The following TBL1X variants were observed in gnomAD, a reference collection of about 807,000 sequenced individuals.
The protein encoded by TBL1X is transducin beta like 1 X-linked.
TBL1X carries 10 observed loss-of-function variants against 50.7 expected under a neutral mutation model. That is an observed-to-expected ratio of 0.20 (90% CI 0.12 to 0.33). The LOEUF (loss-of-function observed/expected upper bound fraction) is 0.33, where lower values mean the gene tolerates loss of function less well. Among genes scored for constraint, TBL1X ranks in the 10% least tolerant of loss-of-function variants. TBL1X has a pLI of 1.00. For missense variants in TBL1X, 340 were observed against 504.4 expected (o/e 0.67, Z 3.12); for synonymous variants, 190 against 214.7 (o/e 0.88, Z 1.01).
intron 2 of TBL1X, among the ~76,000 whole-genome samples, chrX:9,527,173 G>A (rs1013731416): frequency 8.9e-6 from 1 of 112,116 alleles, no homozygotes; most frequent in Non-Finnish European, 1.9e-5. Context: ...AGGGTGGGCC[G>A]AGAGGGGGCG....
In TBL1X at chrX:9,555,264, A is replaced by G. The variant is rs139378627; in HGVS notation, c.-131+53415A>G. Among the ~76,000 whole-genome samples, 700 of 110,517 alleles carry G rather than the reference A, an allele frequency of 6.3e-3. 6 individuals carry two copies. The highest frequency in any genetic ancestry group is 0.022 in the African/African-American group (668 of 30,366). ...CTAATTTGTTTTTAGTTTTGTAGAG[A>G]GAGTGTCTTGTTATGTTGCCTAGGC... On this transcript the variant is annotated intron_variant, in intron 2 of 17. Coordinates refer to ENST00000645353, the MANE Select transcript of TBL1X (RefSeq NM_005647.4).
intron 2 of TBL1X, among the ~76,000 whole-genome samples, chrX:9,558,275 C>T (rs1280943145): frequency 2.1e-4 from 23 of 111,884 alleles, no homozygotes; most frequent in Admixed American, 1.8e-3. Context: ...CCCAGCACTT[C>T]GGGAGGCCGA....
chrX:9,464,863 G>A (rs1315326595), upstream of TBL1X: 1 of 110,225 alleles, frequency 9.1e-6, no homozygotes, highest in East Asian at 2.9e-4. Flanking sequence ...GTTGGGACGC[G>A]GGTCCCCACT....
At chrX:9,495,135 C>T (rs1275110841) in intron 1 of TBL1X, among the ~76,000 whole-genome samples, 1 of 111,178 alleles carries the variant, frequency 9.0e-6, no homozygotes, top group Non-Finnish European at 1.9e-5. Context: ...CTCTTTGGCC[C>T]TGGCTTTTTC....
chrX:9,473,434 C>A (rs2146925829), intron 1 of TBL1X, among the ~76,000 whole-genome samples: 1 of 112,146 alleles, frequency 8.9e-6, no homozygotes, highest in Non-Finnish European at 1.9e-5. Flanking sequence ...GCAGGAGAGT[C>A]TGGAGGACCT....
chrX:9,633,423 A>G lies in TBL1X; in HGVS notation c.-130-6850A>G, dbSNP rs185793273. On this transcript the variant is annotated intron_variant, in intron 2 of 17. Transcript: ENST00000645353. ...AAAAAGAAAAAAAGATGAGATGGTA[A>G]GATATGAGGAAATAATGAATGCATT... Among the ~76,000 whole-genome samples, 3 of 111,376 alleles carry G rather than the reference A, an allele frequency of 2.7e-5. No homozygotes were observed. In the Admixed American group the frequency reaches 2.9e-4, roughly 11 times the overall value.
At chrX:9,531,357 GT>G (rs1569216628) in intron 2 of TBL1X, among the ~76,000 whole-genome samples, 3,370 of 68,908 alleles carry the variant, frequency 0.049, 65 homozygotes, top group South Asian at 0.092. Flanking sequence ...CCTGGAGGGT[GT>G]GTGTGTGTGT....
intron 5 of TBL1X, among the ~76,000 whole-genome samples, chrX:9,677,266 C>T (rs181207012): frequency 1.1e-4 from 12 of 111,246 alleles, no homozygotes; most frequent in African/African-American, 1.3e-4. Context: ...GTGCTGACTC[C>T]GCTATGAATA....
rs750794158 is a variant in TBL1X at position 9,652,850 on chromosome X, CA to C, written c.-42-679del. On this transcript the variant is annotated intron_variant, in intron 3 of 17. Coordinates refer to ENST00000645353, the MANE Select transcript of TBL1X (RefSeq NM_005647.4). ...TGGGCAACACTGCAAGACTCTGTCTCAAAAAAAAAAAAAAAAGAAAGAAAGA... is the reference window on the plus strand; with the variant it reads ...TGGGCAACACTGCAAGACTCTGTCTCAAAAAAAAAAAAAAAGAAAGAAAGA... Among the ~76,000 whole-genome samples, 548 of 55,325 alleles carry C rather than the reference CA, an allele frequency of 9.9e-3. 2 individuals carry two copies. Among genetic ancestry groups the C allele is most frequent in the Middle Eastern group, 0.038 (3 of 79 alleles). 48.0% of individuals were successfully genotyped at this position (55,325 alleles called of 115,157 possible). A position where few individuals can be genotyped will look rare whatever the true frequency, so the allele number is the denominator to read the frequency against.
intron 2 of TBL1X, among the ~76,000 whole-genome samples, chrX:9,562,572 T>C (rs1177211079): frequency 8.9e-6 from 1 of 112,033 alleles, no homozygotes; most frequent in African/African-American, 3.2e-5. Context: ...CCTGAACTTG[T>C]AAAATCTACA....
At position 9,651,340 on chromosome X, in the gene TBL1X, C is replaced by A. The variant is rs147483736; in HGVS notation, c.-42-2205C>A. Among the ~76,000 whole-genome samples the A allele has an allele frequency of 6.5e-3, 732 of 112,304 alleles. 4 individuals are homozygous for A. Among genetic ancestry groups the A allele is most frequent in the African/African-American group, 0.023 (701 of 30,978 alleles). Reference sequence around the variant, plus strand: ...GATGATAGGTGTGTGCCACTGTGCCCGGCCCAAGCCATTTTTTCAGTCCAT... The same window carrying A: ...GATGATAGGTGTGTGCCACTGTGCCAGGCCCAAGCCATTTTTTCAGTCCAT... On this transcript the variant is annotated intron_variant, in intron 3 of 17. Coordinates refer to ENST00000645353, the MANE Select transcript of TBL1X (RefSeq NM_005647.4).
intron 3 of TBL1X, among the ~76,000 whole-genome samples, chrX:9,644,081 G>T: frequency 8.9e-6 from 1 of 112,255 alleles, no homozygotes; most frequent in Non-Finnish European, 1.9e-5. Context: ...TCATATGTCA[G>T]TGAAAAATCA....
chrX:9,573,820 C>G (rs902274353), intron 2 of TBL1X, among the ~76,000 whole-genome samples: 1 of 112,929 alleles, frequency 8.9e-6, no homozygotes, highest in Non-Finnish European at 1.9e-5. Flanking sequence ...CCGGGGCACG[C>G]TGTGTCCCAA....
At chrX:9,636,696 G>T (rs936970148) in intron 2 of TBL1X, 1 of 112,197 alleles carries the variant, frequency 8.9e-6, no homozygotes. Context: ...TTCGAGGAAT[G>T]CCCCTTTCTG....
chrX:9,657,271 C>T (rs186660051), intron 5 of TBL1X, among the ~76,000 whole-genome samples: 111 of 112,385 alleles, frequency 9.9e-4, no homozygotes, highest in African/African-American at 3.2e-3. Context: ...CTGGAACACT[C>T]AACCCCACCT....
intron 2 of TBL1X, among the ~76,000 whole-genome samples, chrX:9,524,269 A>T (rs151111938): frequency 9.0e-6 from 1 of 111,711 alleles, no homozygotes. Flanking sequence ...TGCCCGGCCT[A>T]TTTTAACCAT....
At chrX:9,540,560 C>T (rs946503325) in intron 2 of TBL1X, among the ~76,000 whole-genome samples, 11 of 112,512 alleles carry the variant, frequency 9.8e-5, no homozygotes, top group African/African-American at 3.6e-4. Flanking sequence ...TGCTTGTTAG[C>T]GCGGAGCTGG....
intron 15 of TBL1X, among the ~76,000 whole-genome samples, 174 bp downstream of exon 15, chrX:9,709,934 A>G (rs2083234978): frequency 8.9e-6 from 1 of 112,837 alleles, no homozygotes; most frequent in Non-Finnish European, 1.9e-5. Context: ...TGAGGTAAGG[A>G]TGGTTTTGAG....
At position 9,616,868 on chromosome X, in the gene TBL1X, A is replaced by C. The variant is rs183458954; in HGVS notation, c.-130-23405A>C. Among the ~76,000 whole-genome samples the C allele has an allele frequency of 2.9e-3, 326 of 111,732 alleles. 1 individual carries two copies. Among genetic ancestry groups the C allele is most frequent in the Non-Finnish European group, 1.0e-3 (53 of 53,159 alleles). ...ATGATACTGTTAAATGGAGGTTTCT[A>C]CCCCATAGAAATTAAGAAGAGATAA... On this transcript the variant is annotated intron_variant, in intron 2 of 17. Transcript: ENST00000645353.
Sources: gnomAD v4.1 joint callset for allele counts (sites outside exome capture counted in the v4.1 genomes callset) on GRCh38, gnomAD v4.1.1 for gene constraint, MANE v1.5 for transcripts, NCBI Gene and HGNC (gene_info 2026-07-23, HGNC 2026-07-21) for gene names.